Variants in SLIT3 observed in about 807,000 individuals in gnomAD.
The protein encoded by SLIT3 is slit homolog 3 protein.
In SLIT3, 68 loss-of-function variants were observed where a neutral mutation model predicts 184.0. The observed-to-expected ratio is 0.37, with a 90% CI of 0.30 to 0.45. SLIT3 has a LOEUF of 0.45. SLIT3 is among the 20% of genes least tolerant of loss of function. SLIT3 has a pLI of 1.00. For missense variants in SLIT3, 1,707 were observed against 2,026.0 expected, an observed-to-expected ratio of 0.84 and a Z score of 3.02; for synonymous variants, 831 against 828.6, an observed-to-expected ratio of 1.00 and a Z score of -0.05.
chr5:168,901,074 A>C (rs1760851305), intron 4 of SLIT3, among the ~76,000 whole-genome samples: 1 of 152,148 alleles, frequency 6.6e-6, no homozygotes, highest in Non-Finnish European at 1.5e-5. Flanking sequence ...CATGTAACAA[A>C]ATTGCAGGCC....
At chr5:169,085,648 G>A (rs757031426) in intron 4 of SLIT3, among the ~76,000 whole-genome samples, 2 of 152,196 alleles carry the variant, frequency 1.3e-5, no homozygotes. Context: ...ACTGTTTGGT[G>A]TCAATACCCA....
intron 1 of SLIT3, among the ~76,000 whole-genome samples, chr5:169,252,046 C>G (rs1044884780): frequency 6.6e-6 from 1 of 152,170 alleles, no homozygotes; most frequent in Non-Finnish European, 1.5e-5. Context: ...CCCATTCTAT[C>G]CCATCTCTCC....
intron 4 of SLIT3, among the ~76,000 whole-genome samples, chr5:169,103,131 CA>C (rs1760079851): frequency 1.3e-5 from 2 of 152,200 alleles, no homozygotes; most frequent in Non-Finnish European, 2.9e-5. Context: ...ATGAGATAGG[CA>C]CTCTTAATTA....
chr5:169,117,765 ACT>A (rs1760732235), intron 4 of SLIT3, among the ~76,000 whole-genome samples: 1 of 152,104 alleles, frequency 6.6e-6, no homozygotes, highest in Non-Finnish European at 1.5e-5. Context: ...CAAAAGGAGA[ACT>A]CTGTTTCTCC....
chr5:169,173,838 T>A (rs17637311), intron 4 of SLIT3, among the ~76,000 whole-genome samples: 14,375 of 152,246 alleles, frequency 0.094, 845 homozygotes, highest in South Asian at 0.15. Flanking sequence ...GAAGTGTGTT[T>A]GCTCCAGTCT....
intron 6 of SLIT3, among the ~76,000 whole-genome samples, chr5:168,840,347 A>G (rs777458697): frequency 1.3e-5 from 2 of 152,170 alleles, no homozygotes; most frequent in East Asian, 1.9e-4. Flanking sequence ...TTCTCCCATA[A>G]TACTACCGAA....
Position 168,685,735 on chromosome 5 carries a change from C to T in SLIT3, c.3507G>A (p.Val1169=). 4 of 1,592,374 alleles carry T rather than the reference C, an allele frequency of 2.5e-6. No homozygotes were observed. Among genetic ancestry groups the T allele is most frequent in the Non-Finnish European group, 3.4e-6 (4 of 1,166,816 alleles). ...GTCGGACCTTGGCGGAGGCCAGTTC[C>T]ACGTAGGAGTCTTTGCCCACGAAGT... The part of the protein sequence containing the change: ...TVNFVGKDSY[V]ELASAKVRPQ... Residue 1169 remains valine, a synonymous_variant, in exon 31 of 36, where the codon GTG becomes GTA. Transcript: ENST00000519560.
intron 3 of SLIT3, among the ~76,000 whole-genome samples, chr5:169,233,029 T>C (rs1002860800): frequency 2.0e-5 from 3 of 151,182 alleles, no homozygotes; most frequent in Admixed American, 6.5e-5. Flanking sequence ...TATATACACA[T>C]ATATATATTT....
rs1489736456 is a variant in SLIT3, at chr5:168,664,483, C to A, written c.*1971G>T. 7 of 151,252 alleles carry A rather than the reference C, an allele frequency of 4.6e-5. No individual in the cohort carries two copies. The highest frequency in any genetic ancestry group is 1.7e-4 in the African/African-American group (7 of 40,928). The allele number at this position is 151,252 out of a possible 1,614,324, so 9.4% of individuals were successfully genotyped here. On this transcript the variant is annotated 3_prime_UTR_variant, in exon 36 of 36. Coordinates refer to ENST00000519560, the MANE Select transcript of SLIT3 (RefSeq NM_003062.4). The stretch of plus-strand genomic sequence containing the variant: ...ATTCCTCAGCTATATCCCTCTCTCC[C>A]TTCTCTTCATCCCCTCCATCCCTTC...
chr5:168,673,868 A>G (rs760378455), intron 32 of SLIT3, among the ~76,000 whole-genome samples: 1 of 150,790 alleles, frequency 6.6e-6, no homozygotes, highest in Non-Finnish European at 1.5e-5. Context: ...ATTATTTCAT[A>G]GAGTTAAGCA....
intron 5 of SLIT3, among the ~76,000 whole-genome samples, chr5:168,870,592 A>T (rs1432021913): frequency 2.6e-5 from 4 of 152,148 alleles, no homozygotes; most frequent in Non-Finnish European, 5.9e-5. Flanking sequence ...CTGCCACGGA[A>T]TTTTACCTCA....
intron 4 of SLIT3, among the ~76,000 whole-genome samples, chr5:169,089,236 C>CCACT (rs1759473636): frequency 6.6e-6 from 1 of 152,026 alleles, no homozygotes; most frequent in East Asian, 1.9e-4. Context: ...TTGTCATCCA[C>CCACT]CACTGTGTGT....
At chr5:169,219,835 T>C (rs999362766) in intron 3 of SLIT3, among the ~76,000 whole-genome samples, 1 of 152,212 alleles carries the variant, frequency 6.6e-6, no homozygotes, top group Non-Finnish European at 1.5e-5. Flanking sequence ...AACATGATCA[T>C]AGCTGAGTGT....
chr5:169,023,354 AT>A (rs1693993702), intron 4 of SLIT3, among the ~76,000 whole-genome samples: 1 of 151,994 alleles, frequency 6.6e-6, no homozygotes, highest in African/African-American at 2.4e-5. Flanking sequence ...GTGTGTAGAA[AT>A]TTTTTTAGGA....
chr5:168,983,351 C>T (rs553311791), intron 4 of SLIT3, among the ~76,000 whole-genome samples: 357 of 152,358 alleles, frequency 2.3e-3, no homozygotes, highest in Non-Finnish European at 3.9e-3. Flanking sequence ...TATCTTTTCA[C>T]ATAAATCAGT....
intron 3 of SLIT3, among the ~76,000 whole-genome samples, chr5:169,243,884 G>A (rs1028179432): frequency 6.6e-5 from 10 of 152,348 alleles, no homozygotes; most frequent in African/African-American, 2.4e-4. Flanking sequence ...CCACCAGCAT[G>A]ACTAAGTGCT....
chr5:168,694,574 AGTCT>A (rs886747587), intron 28 of SLIT3, among the ~76,000 whole-genome samples: 1 of 152,116 alleles, frequency 6.6e-6, no homozygotes, highest in Admixed American at 6.6e-5. Flanking sequence ...TCAGTCAGTC[AGTCT>A]TTCTCTCTCT....
Position 169,159,821 on chromosome 5 carries a change from G to A in SLIT3, c.413+33658C>T, listed in dbSNP as rs1026981431. ...AAGCATGACCCAACTATACGCTAAC[G>A]TGATATAAGCAAAAGTGCTACATGG... On this transcript the variant is annotated intron_variant, in intron 4 of 35. Coordinates refer to ENST00000519560, the MANE Select transcript of SLIT3 (RefSeq NM_003062.4). Among the ~76,000 whole-genome samples, 11 of 152,136 alleles carry A rather than the reference G, an allele frequency of 7.2e-5. No homozygotes were observed. In the East Asian group the frequency reaches 7.7e-4, roughly 11 times the overall value.
intron 1 of SLIT3, among the ~76,000 whole-genome samples, chr5:169,277,719 T>G (rs1032296235): frequency 6.6e-6 from 1 of 152,258 alleles, no homozygotes; most frequent in Admixed American, 6.5e-5. Context: ...CAATGAAAGT[T>G]GGCACACAAG....
Sources: allele counts gnomAD v4.1 joint callset (sites outside exome capture counted in the v4.1 genomes callset), GRCh38; gene constraint gnomAD v4.1.1; transcripts MANE v1.5; gene names NCBI Gene and HGNC (gene_info 2026-07-23, HGNC 2026-07-21).